CACNA2D1: variants seen among roughly 807,000 people sequenced by gnomAD.
The protein encoded by CACNA2D1 is calcium voltage-gated channel auxiliary subunit alpha2delta 1.
CACNA2D1 carries 53 observed loss-of-function variants against 171.5 expected under a neutral mutation model. The observed-to-expected ratio is 0.31, with a 90% CI of 0.25 to 0.39. The LOEUF is 0.39. Ranked by LOEUF, CACNA2D1 falls within the 10% of genes least tolerant of loss-of-function variation. The pLI is 1.00. For missense variants in CACNA2D1, 903 were observed against 1,299.8 expected (o/e 0.69, Z 4.69); for synonymous variants, 442 against 443.1 (o/e 1.00, Z 0.03).
In CACNA2D1 at chr7:82,256,960, C is replaced by T. The variant is rs115810644; in HGVS notation, c.294+78175G>A. Among the ~76,000 whole-genome samples the T allele has an allele frequency of 3.5e-3, 534 of 152,202 alleles. 4 individuals carry two copies. The highest frequency in any genetic ancestry group is 0.012 in the African/African-American group (504 of 41,522). On this transcript the variant is annotated intron_variant, in intron 3 of 38. Coordinates refer to ENST00000356860, the MANE Select transcript of CACNA2D1 (RefSeq NM_000722.4). ...AGTTTCAAAAATGTAACTACTTCACCTAAACTATGTGCTGAGATTTCATTA... is the reference window on the plus strand; with the variant it reads ...AGTTTCAAAAATGTAACTACTTCACTTAAACTATGTGCTGAGATTTCATTA...
chr7:82,308,461 T>C (rs1038353129), intron 3 of CACNA2D1, among the ~76,000 whole-genome samples: 5 of 152,204 alleles, frequency 3.3e-5, no homozygotes, highest in Admixed American at 6.5e-5. Context: ...TCAGCCCTAA[T>C]TCATTCATGG....
chr7:82,169,109 G>T (rs994525413), intron 4 of CACNA2D1, among the ~76,000 whole-genome samples: 2 of 151,926 alleles, frequency 1.3e-5, no homozygotes, highest in Admixed American at 6.6e-5. Flanking sequence ...TATTTAGCTA[G>T]ATTTGTTTTG....
chr7:81,966,362 G>A (rs1360745597), intron 31 of CACNA2D1, among the ~76,000 whole-genome samples: 1 of 151,436 alleles, frequency 6.6e-6, no homozygotes, highest in Non-Finnish European at 1.5e-5. Context: ...TTCCTAATGT[G>A]GAAGCAGTTT....
chr7:82,392,299 A>G (rs1825206890), intron 1 of CACNA2D1, among the ~76,000 whole-genome samples: 1 of 152,072 alleles, frequency 6.6e-6, no homozygotes, highest in African/African-American at 2.4e-5. Context: ...ACCCAGCCAC[A>G]CTGAGAGAGA....
chr7:82,012,316 A>C (rs1799887793), intron 14 of CACNA2D1, 73 bp from the exon 15 acceptor site: 4 of 806,744 alleles, frequency 5.0e-6, no homozygotes, highest in Non-Finnish European at 8.6e-6. Context: ...ATTACAGAGA[A>C]AAAATATTCT....
At chr7:82,345,693 T>C (rs912589863) in intron 2 of CACNA2D1, among the ~76,000 whole-genome samples, 1 of 151,312 alleles carries the variant, frequency 6.6e-6, no homozygotes, top group Non-Finnish European at 1.5e-5. Flanking sequence ...TGTGTGTGTG[T>C]GTGTGTGTGT....
At chr7:82,216,837 A>G (rs1390088715) in intron 3 of CACNA2D1, among the ~76,000 whole-genome samples, 2 of 151,840 alleles carry the variant, frequency 1.3e-5, no homozygotes, top group Non-Finnish European at 2.9e-5. Context: ...TATCTGTCAA[A>G]AAAATAGCTA....
At chr7:82,177,808 T>A (rs761899674) in intron 3 of CACNA2D1, among the ~76,000 whole-genome samples, 26 of 152,124 alleles carry the variant, frequency 1.7e-4, no homozygotes, top group Non-Finnish European at 3.5e-4. Flanking sequence ...GACATGTTGA[T>A]CCCCTCTCAT....
chr7:82,174,042 C>CAAAAAAAAAAAAAAAAAAA (rs71093365), intron 3 of CACNA2D1, among the ~76,000 whole-genome samples: 2 of 45,628 alleles, frequency 4.4e-5, no homozygotes, highest in Non-Finnish European at 7.8e-5. Flanking sequence ...GACCCTGTCT[C>CAAAAAAAAAAAAAAAAAAA]AAAAAAAAAA....
chr7:82,039,094 C>A (rs968069835), intron 10 of CACNA2D1, among the ~76,000 whole-genome samples: 2 of 152,086 alleles, frequency 1.3e-5, no homozygotes, highest in East Asian at 3.9e-4. Flanking sequence ...CTCTTGGCAC[C>A]TAAACTGTCA....
chr7:82,149,133 G>T (rs1793495121), intron 4 of CACNA2D1, among the ~76,000 whole-genome samples: 1 of 152,084 alleles, frequency 6.6e-6, no homozygotes, highest in African/African-American at 2.4e-5. Context: ...TGAGCCCTGT[G>T]AGAGACTACA....
intron 1 of CACNA2D1, among the ~76,000 whole-genome samples, chr7:82,363,359 G>A (rs990922406): frequency 7.2e-6 from 1 of 138,344 alleles, no homozygotes; most frequent in African/African-American, 2.8e-5. Context: ...CCACCTCCCA[G>A]GTTCATGCTA....
intron 5 of CACNA2D1, among the ~76,000 whole-genome samples, chr7:82,124,593 A>C (rs1310878712): frequency 3.3e-5 from 5 of 152,182 alleles, no homozygotes; most frequent in African/African-American, 1.2e-4. Context: ...GTGTAAACCA[A>C]GTAAGCAACA....
intron 3 of CACNA2D1, among the ~76,000 whole-genome samples, chr7:82,219,997 T>C (rs1229362618): frequency 6.6e-6 from 1 of 152,146 alleles, no homozygotes; most frequent in Non-Finnish European, 1.5e-5. Flanking sequence ...GTAGATTCAC[T>C]GTTTTTTTCC....
chr7:82,086,968 G>C (rs1244830799), intron 6 of CACNA2D1, among the ~76,000 whole-genome samples: 1 of 151,998 alleles, frequency 6.6e-6, no homozygotes, highest in African/African-American at 2.4e-5. Context: ...TTGATGCTTT[G>C]AAAATTTTCT....
chr7:82,156,033 G>T (rs560857762), intron 4 of CACNA2D1, among the ~76,000 whole-genome samples: 1 of 152,018 alleles, frequency 6.6e-6, no homozygotes, highest in South Asian at 2.1e-4. Flanking sequence ...TTAAAAAGTG[G>T]GTTTAGAATT....
At chr7:81,972,751 C>T (rs528865826) in intron 25 of CACNA2D1, among the ~76,000 whole-genome samples, 17 of 151,936 alleles carry the variant, frequency 1.1e-4, no homozygotes, top group African/African-American at 2.2e-4. Context: ...TGCACATTTA[C>T]GACAAAATTT....
chr7:82,399,223 T>G (rs967480472), intron 1 of CACNA2D1, among the ~76,000 whole-genome samples: 1 of 152,276 alleles, frequency 6.6e-6, no homozygotes, highest in South Asian at 2.1e-4. Context: ...GCGCATCGCC[T>G]GAGGTCAAGA....
At chr7:82,066,594 A>C in intron 7 of CACNA2D1, 70 bp from the exon 8 acceptor site, 1 of 1,514,154 alleles carries the variant, frequency 6.6e-7, no homozygotes, top group Middle Eastern at 2.3e-4. Context: ...ATGAGACTTT[A>C]AAAATCACAA....
Sources: gnomAD v4.1 joint callset for allele counts (sites outside exome capture counted in the v4.1 genomes callset) on GRCh38, gnomAD v4.1.1 for gene constraint, MANE v1.5 for transcripts, NCBI Gene and HGNC (gene_info 2026-07-23, HGNC 2026-07-21) for gene names.